MAPK10: variants seen among roughly 807,000 people sequenced by gnomAD.
MAPK10 encodes mitogen-activated protein kinase 10.
In MAPK10, 25 loss-of-function variants were observed where a neutral mutation model predicts 59.3. The observed-to-expected ratio is 0.42, with a 90% confidence interval of 0.31 to 0.59. The LOEUF (loss-of-function observed/expected upper bound fraction) is 0.59, where lower values mean the gene tolerates loss of function less well. MAPK10 is among the 20% of genes least tolerant of loss of function. The pLI is 0.15. For synonymous variants in MAPK10, 190 were observed against 200.5 expected, an observed-to-expected ratio of 0.95 and a Z score of 0.44; for missense variants, 351 against 568.9, an observed-to-expected ratio of 0.62 and a Z score of 3.90.
chr4:86,189,403 T>C (rs62305537), intron 3 of MAPK10, among the ~76,000 whole-genome samples: 4,092 of 152,284 alleles, frequency 0.027, 91 homozygotes, highest in Non-Finnish European at 0.041. Context: ...TTTCCATTTA[T>C]TTGTGTCCTC....
chr4:86,057,956 T>C (rs1368097373), intron 11 of MAPK10, among the ~76,000 whole-genome samples: 2 of 149,642 alleles, frequency 1.3e-5, no homozygotes, highest in South Asian at 2.1e-4. Flanking sequence ...TGGTCCAACA[T>C]TGTCTCAACA....
At chr4:86,370,549 G>A (rs915568548) in intron 1 of MAPK10, among the ~76,000 whole-genome samples, 1 of 151,996 alleles carries the variant, frequency 6.6e-6, no homozygotes, top group South Asian at 2.1e-4. Context: ...CCATCAAAAA[G>A]GAGTTTGTGA....
intron 1 of MAPK10, among the ~76,000 whole-genome samples, chr4:86,512,646 C>T (rs570089697): frequency 4.6e-5 from 7 of 152,298 alleles, no homozygotes; most frequent in African/African-American, 1.7e-4. Flanking sequence ...TGAGTCCTTG[C>T]TATCTACCTA....
intron 1 of MAPK10, among the ~76,000 whole-genome samples, chr4:86,369,258 T>C (rs1038663257): frequency 6.6e-6 from 1 of 152,200 alleles, no homozygotes; most frequent in Non-Finnish European, 1.5e-5. Flanking sequence ...AGCCAAACAT[T>C]GTGTAATTAA....
At chr4:86,590,487 GA>G (rs1440730063) in intron 1 of MAPK10, among the ~76,000 whole-genome samples, 1 of 152,064 alleles carries the variant, frequency 6.6e-6, no homozygotes, top group African/African-American at 2.4e-5. Flanking sequence ...CATTTGATTA[GA>G]ATTATACTGG....
intron 4 of MAPK10, among the ~76,000 whole-genome samples, chr4:86,137,985 GA>G: frequency 8.2e-6 from 1 of 121,688 alleles, no homozygotes; most frequent in African/African-American, 3.2e-5. Context: ...ACTAAACCAG[GA>G]AGAAGTTGAA....
rs374287113 is a variant in MAPK10, at chr4:86,474,287, C to A, written c.-263+119623G>T. ...GGAAAGTTCTAAAAGTTATTGGGAGCAATCTCCAGAGATGAATCAGTATTA... is the reference window on the plus strand; with the variant it reads ...GGAAAGTTCTAAAAGTTATTGGGAGAAATCTCCAGAGATGAATCAGTATTA... On this transcript the variant is annotated intron_variant, in intron 1 of 4. Transcript: ENST00000502302. Among the ~76,000 whole-genome samples the A allele has an allele frequency of 1.1e-4, 17 of 152,202 alleles. No individual in the cohort carries two copies. In the East Asian group the frequency reaches 1.2e-3, roughly 10 times the overall value.
upstream of MAPK10, among the ~76,000 whole-genome samples, chr4:86,454,795 T>C (rs578041906): frequency 2.6e-5 from 4 of 152,246 alleles, no homozygotes; most frequent in Admixed American, 1.3e-4. Context: ...GGGAAATTCA[T>C]TGCAAAAAGG....
At chr4:86,048,061 T>G (rs1299660074) in intron 11 of MAPK10, among the ~76,000 whole-genome samples, 2 of 151,764 alleles carry the variant, frequency 1.3e-5, no homozygotes, top group African/African-American at 4.8e-5. Context: ...TTTTCTAGAG[T>G]TTTTATGAGG....
At chr4:86,431,600 T>A (rs772082270) in intron 1 of MAPK10, among the ~76,000 whole-genome samples, 18 of 152,184 alleles carry the variant, frequency 1.2e-4, no homozygotes, top group Non-Finnish European at 2.4e-4. Context: ...AAGAGGAGCT[T>A]TACTCCTTGT....
intron 1 of MAPK10, among the ~76,000 whole-genome samples, chr4:86,588,681 A>G (rs933737500): frequency 1.3e-5 from 2 of 152,244 alleles, no homozygotes; most frequent in African/African-American, 4.8e-5. Context: ...ATTAAAGGAT[A>G]CAAACATAAA....
intron 1 of MAPK10, among the ~76,000 whole-genome samples, chr4:86,433,205 A>G (rs1008071155): frequency 2.6e-5 from 4 of 152,156 alleles, no homozygotes; most frequent in Admixed American, 2.6e-4. Context: ...GATGCCCCCT[A>G]CCTACATCCC....
At chr4:86,342,953 T>C (rs939840857) in intron 2 of MAPK10, among the ~76,000 whole-genome samples, 1 of 152,162 alleles carries the variant, frequency 6.6e-6, no homozygotes, top group African/African-American at 2.4e-5. Flanking sequence ...TCATCATCTA[T>C]AGAAACAGAC....
chr4:86,275,852 A>G (rs2094560592), intron 2 of MAPK10, among the ~76,000 whole-genome samples: 2 of 152,084 alleles, frequency 1.3e-5, no homozygotes, highest in Admixed American at 1.3e-4. Context: ...CAATGTTTCT[A>G]GCACTTTATT....
chr4:86,580,221 G>A (rs983868595), intron 1 of MAPK10, among the ~76,000 whole-genome samples: 6 of 152,196 alleles, frequency 3.9e-5, no homozygotes, highest in Non-Finnish European at 5.9e-5. Context: ...AAAGTTGGCC[G>A]GACGCTGTGG....
At chr4:86,073,698 G>A (rs1490900070) in intron 9 of MAPK10, among the ~76,000 whole-genome samples, 1 of 112,572 alleles carries the variant, frequency 8.9e-6, no homozygotes, top group Admixed American at 8.2e-5. Context: ...ATGTAGTTGA[G>A]TGGTTTTGAG....
rs570834564 is a variant in MAPK10 at position 86,443,351 on chromosome 4, T to A, written c.-122+9679A>T. Among the ~76,000 whole-genome samples, 173 of 152,204 alleles carry A rather than the reference T, an allele frequency of 1.1e-3. 2 individuals are homozygous for A. The Middle Eastern group carries it at 0.014, about 12-fold the overall frequency. ...AGGCCTGCCCTCAGGAGAAACTATTTTACCAGCCCCTAACTTACTAGAGTT... is the reference window on the plus strand; with the variant it reads ...AGGCCTGCCCTCAGGAGAAACTATTATACCAGCCCCTAACTTACTAGAGTT... On this transcript the variant is annotated intron_variant, in intron 1 of 13. Coordinates refer to the MAPK10 transcript ENST00000361569.
At chr4:86,159,886 G>C (rs1243284484) in intron 3 of MAPK10, among the ~76,000 whole-genome samples, 1 of 149,238 alleles carries the variant, frequency 6.7e-6, no homozygotes, top group East Asian at 1.9e-4. Flanking sequence ...AGTCACATGA[G>C]AACAGATAAA....
intron 11 of MAPK10, among the ~76,000 whole-genome samples, chr4:86,036,875 CA>C (rs1490728320): frequency 6.6e-6 from 1 of 152,140 alleles, no homozygotes; most frequent in African/African-American, 2.4e-5. Flanking sequence ...CTCTACATAG[CA>C]ATGTTGTGAC....
Sources: allele counts gnomAD v4.1 joint callset (sites outside exome capture counted in the v4.1 genomes callset), GRCh38; gene constraint gnomAD v4.1.1; transcripts MANE v1.5; gene names NCBI Gene and HGNC (gene_info 2026-07-23, HGNC 2026-07-21).